Variants in GLRA1 observed in about 807,000 individuals in gnomAD.
GLRA1 encodes the protein glycine receptor subunit alpha-1.
GLRA1 carries 37 observed loss-of-function variants against 48.3 expected under a neutral mutation model. The observed-to-expected ratio is 0.77, with a 90% CI of 0.59 to 1.01. GLRA1 has a LOEUF of 1.01. Ranked by LOEUF, GLRA1 falls within the 50% of genes least tolerant of loss-of-function variation. The probability of loss-of-function intolerance (pLI) is 0.00; values close to 1 mark genes in which losing one functional copy is unlikely to be tolerated. For missense variants in GLRA1, 427 were observed against 571.0 expected (o/e 0.75, Z 2.57); for synonymous variants, 196 against 210.7 (o/e 0.93, Z 0.60).
intron 8 of GLRA1, 48 bp downstream of exon 8, chr5:151,828,873 T>C (rs938722002): frequency 1.2e-5 from 19 of 1,575,270 alleles, no homozygotes; most frequent in Non-Finnish European, 1.6e-5. Flanking sequence ...TAGAACTCTT[T>C]TGTTTACTAA....
intron 8 of GLRA1, among the ~76,000 whole-genome samples, chr5:151,826,730 G>A (rs1763279448): frequency 6.6e-6 from 1 of 152,120 alleles, no homozygotes; most frequent in South Asian, 2.1e-4. Flanking sequence ...TGTCAAACTG[G>A]TAGATACTTA....
intron 3 of GLRA1, among the ~76,000 whole-genome samples, chr5:151,864,523 T>C (rs1387655556): frequency 6.6e-6 from 1 of 152,202 alleles, no homozygotes. Flanking sequence ...CCTGAGCCTC[T>C]AGTGAGCACT....
At chr5:151,871,741 T>C (rs982428716) in intron 3 of GLRA1, among the ~76,000 whole-genome samples, 5 of 149,370 alleles carry the variant, frequency 3.3e-5, no homozygotes, top group Non-Finnish European at 5.9e-5. Context: ...TTTTTATGTA[T>C]TTTTAGTAGA....
intron 1 of GLRA1, among the ~76,000 whole-genome samples, chr5:151,905,855 C>T (rs922209256): frequency 1.3e-5 from 2 of 152,162 alleles, no homozygotes; most frequent in African/African-American, 4.8e-5. Flanking sequence ...GGGGAGAAAG[C>T]GAGCTCTTAG....
chr5:151,827,613 G>T (rs941360143), intron 8 of GLRA1, among the ~76,000 whole-genome samples: 3 of 152,248 alleles, frequency 2.0e-5, no homozygotes, highest in African/African-American at 4.8e-5. Context: ...AACTAAAGAG[G>T]CAGGGTCCTT....
intron 3 of GLRA1, among the ~76,000 whole-genome samples, chr5:151,868,211 A>G (rs1029133388): frequency 1.3e-5 from 2 of 152,186 alleles, no homozygotes. Context: ...CAGCAATTCA[A>G]TTGACTAAGG....
At chr5:151,842,416 T>C (rs965439774) in intron 7 of GLRA1, among the ~76,000 whole-genome samples, 1 of 150,828 alleles carries the variant, frequency 6.6e-6, no homozygotes, top group African/African-American at 2.4e-5. Flanking sequence ...TTATACGTTA[T>C]GAGTAAGTGG....
chr5:151,848,375 T>C (rs1752734494), intron 7 of GLRA1, among the ~76,000 whole-genome samples: 1 of 152,184 alleles, frequency 6.6e-6, no homozygotes, highest in Non-Finnish European at 1.5e-5. Context: ...TTTTTCTTTT[T>C]CTTTTTTTTT....
chr5:151,829,875 A>C (rs1283199503), intron 7 of GLRA1, among the ~76,000 whole-genome samples: 1 of 152,222 alleles, frequency 6.6e-6, no homozygotes, highest in African/African-American at 2.4e-5. Context: ...TTCAAGGTTC[A>C]TTCACATCGT....
At chr5:151,903,454 G>T (rs1581657841) in intron 1 of GLRA1, among the ~76,000 whole-genome samples, 1 of 152,106 alleles carries the variant, frequency 6.6e-6, no homozygotes, top group South Asian at 2.1e-4. Flanking sequence ...AATAGCCTTT[G>T]TTGATTCCCT....
At chr5:151,828,719 A>G (rs535056179) in intron 8 of GLRA1, among the ~76,000 whole-genome samples, 1 of 152,348 alleles carries the variant, frequency 6.6e-6, no homozygotes, top group South Asian at 2.1e-4. Flanking sequence ...TAGGATTCGA[A>G]GAGTGACTGC....
At chr5:151,832,726 C>T (rs888488625) in intron 7 of GLRA1, among the ~76,000 whole-genome samples, 21 of 152,154 alleles carry the variant, frequency 1.4e-4, no homozygotes, top group South Asian at 2.1e-4. Context: ...AAACACTCTT[C>T]GGGGTATTAT....
chr5:151,856,209 A>C, intron 5 of GLRA1, 92 bp downstream of exon 5: 1 of 818,916 alleles, frequency 1.2e-6, no homozygotes, highest in Non-Finnish European at 2.1e-6. Flanking sequence ...CCTGGGGTCT[A>C]GTGGTTAGGA....
chr5:151,902,309 G>C (rs1460926057), intron 1 of GLRA1, among the ~76,000 whole-genome samples: 2 of 151,802 alleles, frequency 1.3e-5, no homozygotes, highest in Non-Finnish European at 2.9e-5. Flanking sequence ...GAGCGCTCCA[G>C]GTCTGATCTG....
chr5:151,829,002 T>A lies in GLRA1; in HGVS notation c.978A>T (p.Leu326=). 6.2e-7 allele frequency: 1 copy of A among 1,614,072 alleles called. No individual in the cohort carries two copies. Among genetic ancestry groups the A allele is most frequent in the Non-Finnish European group, 8.5e-7 (1 of 1,179,932 alleles). The change falls in exon 8 of 9, where the codon CTA becomes CTT. Residue 326 remains leucine (L), a synonymous_variant. Transcript: ENST00000274576. ...CAAAGTTAACGGCAGCATATTCTAA[T>A]AGGGCTGAGAACACAAAGAGCAGGC... The part of the protein sequence containing the change: ...AVCLLFVFSA[L]LEYAAVNFVS...
At position 151,855,133 on chromosome 5, in the gene GLRA1, C is replaced by G. The variant is rs1295407167; in HGVS notation, c.604G>C (p.Gly202Arg). The G allele has an allele frequency of 6.2e-7, 1 of 1,613,826 alleles. No homozygotes were observed. The highest frequency in any genetic ancestry group is 1.3e-5 in the African/African-American group (1 of 74,908). The change falls in exon 6 of 9, where the codon GGA becomes CGA. Residue 202 changes from glycine (G) to arginine (R), a missense_variant. Gly to Arg is a moderately radical substitution (Grantham distance 125). Transcript: ENST00000274576. ...AGTCCATCTGCTACCTGCACGGCTCCCTGTTCCTGCCACTCAAAGATGAGG... is the reference window on the plus strand; with the variant it reads ...AGTCCATCTGCTACCTGCACGGCTCGCTGTTCCTGCCACTCAAAGATGAGG... ...NDLIFEWQEQ[G>R]AVQVADGLTL...
intron 7 of GLRA1, among the ~76,000 whole-genome samples, chr5:151,844,497 C>T (rs981689237): frequency 6.6e-6 from 1 of 151,206 alleles, no homozygotes; most frequent in African/African-American, 2.4e-5. Context: ...TGGTGCATGC[C>T]TGTAATTTCA....
At chr5:151,864,438 G>A (rs527619292) in intron 3 of GLRA1, among the ~76,000 whole-genome samples, 8 of 152,330 alleles carry the variant, frequency 5.3e-5, no homozygotes, top group African/African-American at 1.9e-4. Context: ...AAGAAAACAG[G>A]TTTGGAAAGG....
At chr5:151,824,501 G>T (rs1324595871) in intron 8 of GLRA1, among the ~76,000 whole-genome samples, 2 of 152,064 alleles carry the variant, frequency 1.3e-5, no homozygotes, top group Non-Finnish European at 2.9e-5. Flanking sequence ...TTTCTATCTG[G>T]TGTTCTATGC....
Sources: gnomAD v4.1 joint callset for allele counts (sites outside exome capture counted in the v4.1 genomes callset) on GRCh38, gnomAD v4.1.1 for gene constraint, MANE v1.5 for transcripts, NCBI Gene and HGNC (gene_info 2026-07-23, HGNC 2026-07-21) for gene names.